DGKI: variants seen among roughly 807,000 people sequenced by gnomAD.
The protein encoded by DGKI is diacylglycerol kinase iota.
A neutral mutation model predicts 147.5 loss-of-function variants in DGKI; 55 were observed. The ratio of observed to expected loss-of-function variants is 0.37; its 90% CI spans 0.30 to 0.47. The LOEUF (loss-of-function observed/expected upper bound fraction) is 0.47, where lower values mean the gene tolerates loss of function less well. Ranked by LOEUF, DGKI falls within the 20% of genes least tolerant of loss-of-function variation. DGKI has a pLI of 1.00. For synonymous variants in DGKI, 469 were observed against 477.1 expected, an observed-to-expected ratio of 0.98 and a Z score of 0.22; for missense variants, 1,007 against 1,323.8, an observed-to-expected ratio of 0.76 and a Z score of 3.71.
chr7:137,678,415 C>A, intron 3 of DGKI, 142 bp downstream of exon 3: 6 of 772,444 alleles, frequency 7.8e-6, no homozygotes, highest in Non-Finnish European at 1.3e-5. Context: ...AAACTCTCTG[C>A]AAACCTTGAA....
intron 18 of DGKI, 76 bp downstream of exon 18, chr7:137,572,689 C>T: frequency 2.0e-6 from 2 of 1,020,290 alleles, no homozygotes; most frequent in East Asian, 2.4e-5. Context: ...ACATCTGAAA[C>T]TTTTCTGTTA....
intron 28 of DGKI, among the ~76,000 whole-genome samples, chr7:137,431,051 T>C (rs1281013721): frequency 1.3e-5 from 2 of 152,066 alleles, no homozygotes; most frequent in African/African-American, 2.4e-5. Flanking sequence ...TTTAAATATA[T>C]AGCAGAAAGA....
chr7:137,596,540 T>G (rs1819804512), intron 12 of DGKI, among the ~76,000 whole-genome samples: 1 of 152,150 alleles, frequency 6.6e-6, no homozygotes, highest in Non-Finnish European at 1.5e-5. Context: ...TGGTATTGTG[T>G]GGGGGAAAAA....
intron 1 of DGKI, among the ~76,000 whole-genome samples, chr7:137,800,948 A>G (rs746461817): frequency 6.6e-6 from 1 of 152,228 alleles, no homozygotes; most frequent in Non-Finnish European, 1.5e-5. Flanking sequence ...AGAATTTTGT[A>G]GAATTTGAAG....
intron 20 of DGKI, among the ~76,000 whole-genome samples, chr7:137,536,794 C>A (rs990757590): frequency 2.6e-5 from 4 of 152,048 alleles, no homozygotes; most frequent in Non-Finnish European, 4.4e-5. Context: ...GGCTACAGAC[C>A]CGTGGACTGC....
At chr7:137,609,102 A>G in intron 9 of DGKI, 38 bp from the exon 10 acceptor site, 2 of 1,565,356 alleles carry the variant, frequency 1.3e-6, no homozygotes, top group Non-Finnish European at 8.8e-7. Flanking sequence ...ATACACATCC[A>G]TGGCTTGAAA....
intron 27 of DGKI, among the ~76,000 whole-genome samples, chr7:137,453,774 A>G (rs553880615): frequency 6.6e-6 from 1 of 152,292 alleles, no homozygotes; most frequent in African/African-American, 2.4e-5. Context: ...CATTTCCAGC[A>G]TGTAAATAAT....
At chr7:137,500,018 G>A (rs1250738411) in intron 21 of DGKI, among the ~76,000 whole-genome samples, 1 of 152,120 alleles carries the variant, frequency 6.6e-6, no homozygotes, top group Admixed American at 6.6e-5. Context: ...AGAAATAAAT[G>A]TCTGTTATTT....
At chr7:137,394,489 T>C (rs1377234481) in intron 32 of DGKI, among the ~76,000 whole-genome samples, 1 of 152,180 alleles carries the variant, frequency 6.6e-6, no homozygotes, top group African/African-American at 2.4e-5. Flanking sequence ...GGTTCAACTC[T>C]ACTAAGCTAC....
rs529650917 is a variant in DGKI, at chr7:137,386,983, T to A, written c.*4237A>T. 5 of 152,232 alleles carry A rather than the reference T, an allele frequency of 3.3e-5. No individual in the cohort carries two copies. In the Middle Eastern group the frequency reaches 0.01, roughly 311 times the overall value. 9.4% of individuals were successfully genotyped at this position (152,232 alleles called of 1,614,324 possible). ...GTTATGATGAGCCATTTTAACAAAG[T>A]CCCATTTTTAAATAGCATAATTGAA... On this transcript the variant is annotated 3_prime_UTR_variant, in exon 33 of 33. Coordinates refer to ENST00000614521, the MANE Select transcript of DGKI (RefSeq NM_001321708.2).
At chr7:137,734,207 T>C (rs1201903834) in intron 1 of DGKI, among the ~76,000 whole-genome samples, 1 of 152,038 alleles carries the variant, frequency 6.6e-6, no homozygotes, top group East Asian at 1.9e-4. Context: ...GGGAGTCTAA[T>C]TTTAGCATAA....
At chr7:137,457,193 G>A (rs763176187) in intron 27 of DGKI, among the ~76,000 whole-genome samples, 15 of 152,116 alleles carry the variant, frequency 9.9e-5, no homozygotes, top group East Asian at 1.9e-4. Flanking sequence ...AGGTAGAAAC[G>A]GGACCCAACT....
chr7:137,788,368 C>A (rs918922918), intron 1 of DGKI, among the ~76,000 whole-genome samples: 1 of 151,784 alleles, frequency 6.6e-6, no homozygotes, highest in Non-Finnish European at 1.5e-5. Flanking sequence ...ATCCCATCTT[C>A]CCCCTTCCCT....
chr7:137,642,114 C>T (rs982977174), intron 6 of DGKI, among the ~76,000 whole-genome samples: 3 of 152,108 alleles, frequency 2.0e-5, no homozygotes, highest in African/African-American at 4.8e-5. Flanking sequence ...ACAATATGTG[C>T]TAGATCAATT....
Position 137,472,266 on chromosome 7 carries a change from A to ATGTGTATATTTATGTG in DGKI, c.2374-2648_2374-2647insCACATAAATATACACA, listed in dbSNP as rs1198208332. Among the ~76,000 whole-genome samples, 425 of 90,342 alleles carry ATGTGTATATTTATGTG rather than the reference A, an allele frequency of 4.7e-3. 13 individuals carry two copies. Among genetic ancestry groups the ATGTGTATATTTATGTG allele is most frequent in the African/African-American group, 0.019 (405 of 21,240 alleles). The allele number at this position is 90,342 out of a possible 152,430, so 59.3% of individuals were successfully genotyped here. A position where few individuals can be genotyped will look rare whatever the true frequency, so the allele number is the denominator to read the frequency against. ...TATATATACACATAATATTATATGT[A>ATGTGTATATTTATGTG]TATATACATATAATATTATATGTAT... On this transcript the variant is annotated intron_variant, in intron 23 of 32. Transcript: ENST00000614521.
At chr7:137,583,048 TAGA>T (rs1328798107) in intron 14 of DGKI, among the ~76,000 whole-genome samples, 1 of 152,086 alleles carries the variant, frequency 6.6e-6, no homozygotes, top group South Asian at 2.1e-4. Context: ...TCTGTTTCAC[TAGA>T]AGGAGAACTT....
intron 1 of DGKI, among the ~76,000 whole-genome samples, chr7:137,709,758 C>G (rs1009719022): frequency 6.6e-6 from 1 of 151,786 alleles, no homozygotes; most frequent in Non-Finnish European, 1.5e-5. Context: ...TATAAGCCAG[C>G]AAAAACTCCA....
At chr7:137,834,946 A>G (rs745993558) in intron 1 of DGKI, among the ~76,000 whole-genome samples, 9 of 152,210 alleles carry the variant, frequency 5.9e-5, no homozygotes, top group Non-Finnish European at 4.4e-5. Context: ...CCATTGGGAC[A>G]TTAAGTATAC....
At chr7:137,641,695 G>C (rs1294543559) in intron 6 of DGKI, among the ~76,000 whole-genome samples, 1 of 152,144 alleles carries the variant, frequency 6.6e-6, no homozygotes, top group African/African-American at 2.4e-5. Context: ...CGGCATTTCA[G>C]ATAAGGGATA....
Sources: allele counts gnomAD v4.1 joint callset (sites outside exome capture counted in the v4.1 genomes callset), GRCh38; gene constraint gnomAD v4.1.1; transcripts MANE v1.5; gene names NCBI Gene and HGNC (gene_info 2026-07-23, HGNC 2026-07-21).